CRMP1: variants seen among roughly 807,000 people sequenced by gnomAD.
CRMP1 encodes collapsin response mediator protein 1.
In CRMP1, 19 loss-of-function variants were observed where a neutral mutation model predicts 68.3. The ratio of observed to expected loss-of-function variants is 0.28; its 90% CI spans 0.19 to 0.41. The LOEUF (loss-of-function observed/expected upper bound fraction) is 0.41, where lower values mean the gene tolerates loss of function less well. Ranked by LOEUF, CRMP1 falls within the 10% of genes least tolerant of loss-of-function variation. The probability of loss-of-function intolerance (pLI) is 1.00; values close to 1 mark genes in which losing one functional copy is unlikely to be tolerated. For synonymous variants in CRMP1, 439 were observed against 399.6 expected, an observed-to-expected ratio of 1.10 and a Z score of -1.18; for missense variants, 791 against 967.4, an observed-to-expected ratio of 0.82 and a Z score of 2.42.
rs566547687 is a variant in CRMP1 at position 5,828,876 on chromosome 4, G to A, written c.1624-208C>T. On this transcript the variant is annotated intron_variant, in intron 11 of 13. Coordinates refer to ENST00000324989, the MANE Select transcript of CRMP1 (RefSeq NM_001014809.3). ...CTCACCGTTGCGCATGTAGGCTGCC[G>A]GTGGCTTTCTATAATCAAATCAATA... is the stretch of plus-strand genomic sequence containing the variant. Among the ~76,000 whole-genome samples the A allele has an allele frequency of 1.1e-4, 17 of 152,176 alleles. No individual in the cohort carries two copies. In the South Asian group the frequency reaches 3.1e-3, roughly 28 times the overall value.
In CRMP1 at chr4:5,865,740, G is replaced by A. The variant is rs556478475; in HGVS notation, c.470+928C>T. On this transcript the variant is annotated intron_variant, in intron 2 of 13. Coordinates refer to ENST00000324989, the MANE Select transcript of CRMP1 (RefSeq NM_001014809.3). The surrounding 1 kb of genome is among the most constrained non-coding windows in gnomAD (Gnocchi z 4.1). ...CCCACCCCATGGGACTACCTTTAGC[G>A]ACAGGGCCTTTAAGGAGGTGATTAA... Among the ~76,000 whole-genome samples the A allele has an allele frequency of 6.8e-4, 103 of 152,164 alleles. 1 individual carries two copies. Among genetic ancestry groups the A allele is most frequent in the African/African-American group, 2.2e-3 (92 of 41,508 alleles).
chr4:5,892,802 G>T lies in CRMP1; in HGVS notation c.168C>A (p.Gly56=). The change falls in exon 1 of 14, where the codon GGC becomes GGA. Residue 56 remains glycine, a synonymous_variant. Coordinates refer to ENST00000324989, the MANE Select transcript of CRMP1 (RefSeq NM_001014809.3). This position sits in a 1 kb window ranked among gnomAD's most constrained non-coding sequence, Gnocchi z 8.6. ...GCGGCGTGCGCGCCGAGCCGCGGCG[G>T]CCCACACTGTAGGCGTCGAAGTCGA... The part of the protein sequence containing the change: ...KTIDFDAYSV[G]RRGSARTPRS... 7.3e-7 allele frequency: 1 copy of T among 1,372,112 alleles called. No individual in the cohort carries two copies. Among genetic ancestry groups the T allele is most frequent in the Non-Finnish European group, 9.5e-7 (1 of 1,051,556 alleles). The allele number at this position is 1,372,112 out of a possible 1,614,324, so 85.0% of individuals were successfully genotyped here.
chr4:5,830,989 C>T (rs1720342388), intron 11 of CRMP1, among the ~76,000 whole-genome samples: 1 of 152,162 alleles, frequency 6.6e-6, no homozygotes. Flanking sequence ...GAGACAGGGT[C>T]TCAGTCTGCA....
Position 5,883,230 on chromosome 4 carries a change from G to C in CRMP1, c.381+9359C>G, listed in dbSNP as rs1560522115. Reference sequence around the variant, plus strand: ...CTGTGCCCTGTTCCGCAGCCTGCCTGCTTTCCTTCCTTCCTTCCTTCCTTC... The same window carrying C: ...CTGTGCCCTGTTCCGCAGCCTGCCTCCTTTCCTTCCTTCCTTCCTTCCTTC... On this transcript the variant is annotated intron_variant, in intron 1 of 13. Coordinates refer to ENST00000324989, the MANE Select transcript of CRMP1 (RefSeq NM_001014809.3). The surrounding 1 kb of genome is among the most constrained non-coding windows in gnomAD (Gnocchi z 4.5). Among the ~76,000 whole-genome samples the C allele has an allele frequency of 8.5e-6, 1 of 117,060 alleles. No homozygotes were observed. The highest frequency in any genetic ancestry group is 3.1e-4 in the East Asian group (1 of 3,256). 76.8% of individuals were successfully genotyped at this position (117,060 alleles called of 152,430 possible). A position where few individuals can be genotyped will look rare whatever the true frequency, so the allele number is the denominator to read the frequency against.
At chr4:5,863,265 T>C (rs1315235406) in intron 2 of CRMP1, among the ~76,000 whole-genome samples, 1 of 152,070 alleles carries the variant, frequency 6.6e-6, no homozygotes, top group African/African-American at 2.4e-5. Flanking sequence ...ACAAACTCTC[T>C]CTGGTCTCCC....
rs35551598 is a variant in CRMP1, at chr4:5,854,399, G to GTTTTTTTTT, written c.820+1735_820+1743dup. Among the ~76,000 whole-genome samples, 1 of 70,860 alleles carries GTTTTTTTTT rather than the reference G, an allele frequency of 1.4e-5. No individual in the cohort carries two copies. Among genetic ancestry groups the GTTTTTTTTT allele is most frequent in the African/African-American group, 6.1e-5 (1 of 16,516 alleles). The allele number at this position is 70,860 out of a possible 152,430, so 46.5% of individuals were successfully genotyped here. ...GGCGTACACCACCACTCCTGGCTAT[G>GTTTTTTTTT]TTTTTTTTTTTTTTTTTTTTTTTTT... On this transcript the variant is annotated intron_variant, in intron 4 of 13. Coordinates refer to ENST00000324989, the MANE Select transcript of CRMP1 (RefSeq NM_001014809.3). The surrounding 1 kb of genome is among the most constrained non-coding windows in gnomAD (Gnocchi z 4.0).
intron 10 of CRMP1, 149 bp downstream of exon 10, chr4:5,836,616 A>G (rs1389564804): frequency 9.4e-7 from 1 of 1,061,338 alleles, no homozygotes; most frequent in Admixed American, 2.0e-5. Context: ...CTCTCAAGTT[A>G]TGCGTTCCCT....
chr4:5,864,177 T>A (rs1197193748), intron 2 of CRMP1, among the ~76,000 whole-genome samples: 1 of 152,154 alleles, frequency 6.6e-6, no homozygotes, highest in East Asian at 1.9e-4. Context: ...TACTCCGGGA[T>A]TGCGGAGCTC....
At chr4:5,835,838 T>A in intron 11 of CRMP1, 77 bp downstream of exon 11, 2 of 1,339,304 alleles carry the variant, frequency 1.5e-6, no homozygotes, top group South Asian at 5.0e-5. Flanking sequence ...AATTCATAAA[T>A]CATTTTTAAC....
rs1395013944 is a variant in CRMP1 at position 5,821,556 on chromosome 4, C to A, written c.*204G>T. On this transcript the variant is annotated 3_prime_UTR_variant, in exon 14 of 14. Transcript: ENST00000324989. The surrounding 1 kb of genome is among the most constrained non-coding windows in gnomAD (Gnocchi z 4.4). Reference sequence around the variant, plus strand: ...TGCTCCGAGGTGGATTCAGCATGAACACAACTGTGGGGCAAGGAATTTCCA... The same window carrying A: ...TGCTCCGAGGTGGATTCAGCATGAAAACAACTGTGGGGCAAGGAATTTCCA... 3.5e-6 allele frequency: 2 copies of A among 573,626 alleles called. No homozygotes were observed. The highest frequency in any genetic ancestry group is 1.9e-5 in the African/African-American group (1 of 53,844). The allele number at this position is 573,626 out of a possible 1,614,324, so 35.5% of individuals were successfully genotyped here.
At chr4:5,873,785 G>C (rs1265847489) in intron 1 of CRMP1, among the ~76,000 whole-genome samples, 3 of 152,160 alleles carry the variant, frequency 2.0e-5, no homozygotes, top group Admixed American at 2.0e-4. Flanking sequence ...CATGCCTGGG[G>C]ATCTGTAAGT....
chr4:5,862,651 G>T (rs571277844), intron 2 of CRMP1, among the ~76,000 whole-genome samples: 2 of 152,204 alleles, frequency 1.3e-5, no homozygotes, highest in African/African-American at 4.8e-5. Context: ...CCTGGGCACG[G>T]TCCAGGCAGA....
chr4:5,866,766 AAGGCAAAGTATT>A lies in CRMP1; in HGVS notation c.382-22_382-11del. 6.3e-7 allele frequency: 1 copy of A among 1,599,556 alleles called. No individual in the cohort carries two copies. Among genetic ancestry groups the A allele is most frequent in the Non-Finnish European group, 8.5e-7 (1 of 1,171,512 alleles). ...TGAGGAGTCGGTCACTCTGCAAAGCAAGGCAAAGTATTAAGGATCCTTGGTGAAAAGCCAGGA... is the reference window on the plus strand; with the variant it reads ...TGAGGAGTCGGTCACTCTGCAAAGCAAAGGATCCTTGGTGAAAAGCCAGGA... On this transcript the variant is annotated splice_polypyrimidine_tract_variant and intron_variant, in intron 1 of 13. Transcript: ENST00000324989. This position sits in a 1 kb window ranked among gnomAD's most constrained non-coding sequence, Gnocchi z 5.9.
chr4:5,827,920 C>T, intron 12 of CRMP1: 2 of 550,332 alleles, frequency 3.6e-6, no homozygotes, highest in Non-Finnish European at 4.6e-6. Flanking sequence ...AGAGCCTGCT[C>T]CTTCCCTTTG....
At chr4:5,828,702 T>C (rs1158881456) in intron 11 of CRMP1, 34 bp from the exon 12 acceptor site, 1 of 1,605,666 alleles carries the variant, frequency 6.2e-7, no homozygotes, top group South Asian at 1.1e-5. Flanking sequence ...CTTCCCAGGA[T>C]TTGCTCTGCC....
Position 5,821,900 on chromosome 4 carries a change from TC to T in CRMP1, c.1970-50del. 6.6e-7 allele frequency: 1 copy of T among 1,507,436 alleles called. No homozygotes were observed. The highest frequency in any genetic ancestry group is 9.0e-7 in the Non-Finnish European group (1 of 1,110,790). The allele number at this position is 1,507,436 out of a possible 1,614,324, so 93.4% of individuals were successfully genotyped here. On this transcript the variant is annotated intron_variant, in intron 13 of 13. Transcript: ENST00000324989. This position sits in a 1 kb window ranked among gnomAD's most constrained non-coding sequence, Gnocchi z 4.4. ...CTGGATGGGATCTGTTAGCATCAGT[TC>T]CACGCTGCTCCTGGAGGCCATGTAC...
At chr4:5,852,825 G>A (rs1280711221) in intron 4 of CRMP1, among the ~76,000 whole-genome samples, 1 of 152,106 alleles carries the variant, frequency 6.6e-6, no homozygotes, top group Non-Finnish European at 1.5e-5. Flanking sequence ...CATCTGTCAG[G>A]GGGCTTCAGG....
rs1182039821 is a variant in CRMP1 at position 5,888,550 on chromosome 4, G to A, written c.381+4039C>T. On this transcript the variant is annotated intron_variant, in intron 1 of 13. Transcript: ENST00000324989. The surrounding 1 kb of genome is among the most constrained non-coding windows in gnomAD (Gnocchi z 6.4). ...GAGGGGGCTGCAGACAGCTCCTCCC[G>A]GCGGCGCGGAGCGAAGCCGGATTCG... 3.5e-6 allele frequency: 4 copies of A among 1,143,910 alleles called. No individual in the cohort carries two copies. The highest frequency in any genetic ancestry group is 4.3e-6 in the Non-Finnish European group (4 of 931,756). 70.9% of individuals were successfully genotyped at this position (1,143,910 alleles called of 1,614,324 possible).
chr4:5,852,694 C>T (rs561170839), intron 4 of CRMP1, among the ~76,000 whole-genome samples: 18 of 152,326 alleles, frequency 1.2e-4, no homozygotes, highest in East Asian at 9.7e-4. Flanking sequence ...GTGAGTAAGA[C>T]GACAAGTCCC....
Sources: allele counts gnomAD v4.1 joint callset (sites outside exome capture counted in the v4.1 genomes callset), GRCh38; gene constraint gnomAD v4.1.1; non-coding constraint Gnocchi (gnomAD v3.1); transcripts MANE v1.5; gene names NCBI Gene and HGNC (gene_info 2026-07-23, HGNC 2026-07-21).